The following CALN1 variants were observed in gnomAD, a reference collection of about 807,000 sequenced individuals.
The protein encoded by CALN1 is calneuron 1, also known as calcium-binding protein 8.
In CALN1, 17 loss-of-function variants were observed where a neutral mutation model predicts 30.6. The observed-to-expected ratio is 0.56, with a 90% CI of 0.38 to 0.83. CALN1 has a LOEUF of 0.83. CALN1 is among the 40% of genes least tolerant of loss of function. The pLI, the probability that CALN1 is intolerant of heterozygous loss-of-function variation, is 0.00. For missense variants in CALN1, 291 were observed against 354.9 expected (o/e 0.82, Z 1.45); for synonymous variants, 156 against 131.4 (o/e 1.19, Z -1.28).
chr7:72,147,140 C>T (rs1412728390), intron 3 of CALN1, among the ~76,000 whole-genome samples: 1 of 152,178 alleles, frequency 6.6e-6, no homozygotes, highest in Non-Finnish European at 1.5e-5. Context: ...AACTCAAGAG[C>T]TTCTGCACAG....
chr7:72,222,242 AAAG>A (rs1704688011), intron 3 of CALN1, among the ~76,000 whole-genome samples: 1 of 152,112 alleles, frequency 6.6e-6, no homozygotes, highest in South Asian at 2.1e-4. Context: ...AGAAAAAAAA[AAAG>A]AAAGAAAGAA....
intron 3 of CALN1, among the ~76,000 whole-genome samples, chr7:72,171,513 G>C (rs1353534841): frequency 6.6e-6 from 1 of 152,072 alleles, no homozygotes; most frequent in African/African-American, 2.4e-5. Context: ...GATATAATTT[G>C]TAACAAATGG....
chr7:72,455,968 C>T, the CALN1 span, among the ~76,000 whole-genome samples: 10 of 152,144 alleles, frequency 6.6e-5, no homozygotes, highest in Middle Eastern at 3.4e-3. Flanking sequence ...GGGCAGATCA[C>T]GAGGTCAAGA....
chr7:71,856,080 A>G (rs1790931037), intron 5 of CALN1, among the ~76,000 whole-genome samples: 1 of 151,880 alleles, frequency 6.6e-6, no homozygotes, highest in Non-Finnish European at 1.5e-5. Flanking sequence ...ATATATGAAT[A>G]TATTAAAGAT....
intron 3 of CALN1, among the ~76,000 whole-genome samples, chr7:72,275,422 C>T (rs1554347331): frequency 6.6e-6 from 1 of 152,280 alleles, no homozygotes; most frequent in Non-Finnish European, 1.5e-5. Context: ...CCAGACCCTG[C>T]GTGCCTGCTC....
intron 5 of CALN1, among the ~76,000 whole-genome samples, chr7:71,895,759 G>GT (rs1394748013): frequency 6.6e-6 from 1 of 152,210 alleles, no homozygotes; most frequent in Non-Finnish European, 1.5e-5. Context: ...TACCTACTAA[G>GT]GCATGGATTC....
chr7:72,271,564 T>TAAA lies in CALN1; in HGVS notation c.244+7119_244+7121dup, dbSNP rs1305576740. Among the ~76,000 whole-genome samples, 215 of 64,286 alleles carry TAAA rather than the reference T, an allele frequency of 3.3e-3. 2 individuals are homozygous for TAAA. Among genetic ancestry groups the TAAA allele is most frequent in the Middle Eastern group, 8.8e-3 (1 of 114 alleles). The allele number at this position is 64,286 out of a possible 152,430, so 42.2% of individuals were successfully genotyped here. A position where few individuals can be genotyped will look rare whatever the true frequency, so the allele number is the denominator to read the frequency against. On this transcript the variant is annotated intron_variant, in intron 3 of 6. Transcript: ENST00000395275. The stretch of plus-strand genomic sequence containing the variant: ...AGCATGAACCACTGTGCCTGCCTTT[T>TAAA]AAAAAAAAAAAATATATATATATAT...
intron 5 of CALN1, among the ~76,000 whole-genome samples, chr7:71,899,692 A>T (rs1194633650): frequency 6.6e-6 from 1 of 152,250 alleles, no homozygotes; most frequent in Non-Finnish European, 1.5e-5. Flanking sequence ...TAAACAGGAA[A>T]GAATAATGTG....
At chr7:72,380,068 C>A (rs1218113556) in intron 2 of CALN1, among the ~76,000 whole-genome samples, 2 of 152,166 alleles carry the variant, frequency 1.3e-5, no homozygotes, top group Non-Finnish European at 2.9e-5. Flanking sequence ...ATGTGAAGAG[C>A]AGTGCAGATA....
At chr7:71,810,664 C>T (rs1299986545) in intron 5 of CALN1, among the ~76,000 whole-genome samples, 172 bp from the exon 6 acceptor site, 2 of 152,062 alleles carry the variant, frequency 1.3e-5, no homozygotes, top group Admixed American at 6.6e-5. Context: ...CATGAACTTG[C>T]AGGGACTTAT....
intron 4 of CALN1, among the ~76,000 whole-genome samples, chr7:72,045,891 C>T (rs1310136117): frequency 2.7e-5 from 4 of 147,370 alleles, no homozygotes; most frequent in South Asian, 2.2e-4. Context: ...TCCTGCTACT[C>T]GGGAGGCTAA....
At chr7:71,889,054 C>A (rs1056795515) in intron 5 of CALN1, among the ~76,000 whole-genome samples, 1 of 152,206 alleles carries the variant, frequency 6.6e-6, no homozygotes, top group African/African-American at 2.4e-5. Context: ...AGGCTGGGGA[C>A]AGGTGCAGGA....
chr7:72,502,225 G>C, the CALN1 span, among the ~76,000 whole-genome samples: 1 of 149,426 alleles, frequency 6.7e-6, no homozygotes, highest in Non-Finnish European at 1.5e-5. Context: ...TTGCTGAATT[G>C]CTTGTGGGGC....
intron 3 of CALN1, among the ~76,000 whole-genome samples, chr7:72,226,878 C>CA (rs1180330096): frequency 3.3e-5 from 5 of 151,230 alleles, no homozygotes; most frequent in Admixed American, 6.6e-5. Context: ...CCCATCTCTA[C>CA]AAAAAACAAT....
intron 1 of CALN1, among the ~76,000 whole-genome samples, chr7:72,408,501 A>G (rs1457780931): frequency 6.6e-6 from 1 of 152,002 alleles, no homozygotes; most frequent in African/African-American, 2.4e-5. Flanking sequence ...CGTGAAGGTC[A>G]GAGAGCGTAA....
intron 5 of CALN1, among the ~76,000 whole-genome samples, chr7:72,022,265 A>T (rs1800748428): frequency 6.6e-6 from 1 of 152,234 alleles, no homozygotes; most frequent in African/African-American, 2.4e-5. Context: ...TGCTGTGTAC[A>T]GCATGCACAG....
chr7:72,108,406 C>A (rs1161502963), intron 3 of CALN1, among the ~76,000 whole-genome samples: 2 of 152,216 alleles, frequency 1.3e-5, no homozygotes, highest in African/African-American at 4.8e-5. Context: ...GAGATTGCTA[C>A]ACTATTGCAT....
intron 3 of CALN1, among the ~76,000 whole-genome samples, chr7:72,265,945 G>A (rs1428193615): frequency 6.6e-6 from 1 of 151,976 alleles, no homozygotes. Context: ...ACCAGCCTGG[G>A]AAACACAGTG....
intron 5 of CALN1, among the ~76,000 whole-genome samples, chr7:71,935,716 C>T (rs1029089164): frequency 4.0e-5 from 6 of 151,786 alleles, no homozygotes; most frequent in African/African-American, 7.2e-5. Flanking sequence ...AGCGAAACTC[C>T]GTCTCAAAAA....
Sources: gnomAD v4.1 joint callset for allele counts (sites outside exome capture counted in the v4.1 genomes callset) on GRCh38, gnomAD v4.1.1 for gene constraint, MANE v1.5 for transcripts, NCBI Gene and HGNC (gene_info 2026-07-23, HGNC 2026-07-21) for gene names.